The following ZNF485 variants were observed in gnomAD, a reference collection of about 807,000 sequenced individuals.
The protein encoded by ZNF485 is Zinc finger protein 93 (Zinc finger protein HTF34).
Under a neutral mutation model 10.8 loss-of-function variants are expected in ZNF485, and 9 were observed. That is an observed-to-expected ratio of 0.83 (90% confidence interval 0.50 to 1.45). ZNF485 has a LOEUF of 1.45. ZNF485 is among the 40% of genes most tolerant of loss of function. The pLI is 0.00. For synonymous variants in ZNF485, 187 were observed against 181.0 expected, an observed-to-expected ratio of 1.03 and a Z score of -0.27; for missense variants, 487 against 528.0, an observed-to-expected ratio of 0.92 and a Z score of 0.76.
intron 4 of ZNF485, among the ~76,000 whole-genome samples, chr10:43,614,059 C>G (rs1320606918): frequency 2.0e-5 from 3 of 151,942 alleles, no homozygotes; most frequent in African/African-American, 7.3e-5. Context: ...ACTAAAAATA[C>G]AAAAAATTAG....
chr10:43,609,290 T>C lies in ZNF485; in HGVS notation c.187T>C (p.Leu63=), dbSNP rs975153282. 3.1e-6 allele frequency: 5 copies of C among 1,614,072 alleles called. No homozygotes were observed. The highest frequency in any genetic ancestry group is 2.2e-5 in the East Asian group (1 of 44,890). ...TTCCAAACCAAAACTAATTACTCAGTTGGAGCAAGGGGCAGAGCCCTGGAC... is the reference window on the plus strand; with the variant it reads ...TTCCAAACCAAAACTAATTACTCAGCTGGAGCAAGGGGCAGAGCCCTGGAC... ...LSSKPKLITQ[L]EQGAEPWTEV... is the part of the protein sequence containing the mutation. The change falls in exon 4 of 5, where the codon TTG becomes CTG. Residue 63 remains leucine, a synonymous_variant. Transcript: ENST00000361807.
At chr10:43,610,697 AAG>A in intron 4 of ZNF485, among the ~76,000 whole-genome samples, 1 of 152,342 alleles carries the variant, frequency 6.6e-6, no homozygotes, top group South Asian at 2.1e-4. Context: ...TCTTTCTACA[AAG>A]ACTTCACAAC....
chr10:43,616,970 G>A lies in ZNF485; in HGVS notation c.927G>A (p.Lys309=), dbSNP rs1838873848. ...ATGAATGTGGAAAAGCCTTTAGGAA[G>A]AGCTCAACTCTTATTAGTCACCAAA... is the stretch of plus-strand genomic sequence containing the variant. ...QCNECGKAFR[K]SSTLISHQRM... is the part of the protein sequence containing the mutation. The change falls in exon 5 of 5, where the codon AAG becomes AAA. Residue 309 remains lysine (K), a synonymous_variant. Transcript: ENST00000361807. 6.2e-7 allele frequency: 1 copy of A among 1,614,146 alleles called. No homozygotes were observed. The highest frequency in any genetic ancestry group is 8.5e-7 in the Non-Finnish European group (1 of 1,180,044).
intron 4 of ZNF485, among the ~76,000 whole-genome samples, chr10:43,615,289 T>C (rs1838832661): frequency 6.6e-6 from 1 of 152,024 alleles, no homozygotes; most frequent in South Asian, 2.1e-4. Flanking sequence ...TTGGCTCTAT[T>C]AGTTTTTCAG....
At chr10:43,612,688 T>G (rs966078003) in intron 4 of ZNF485, among the ~76,000 whole-genome samples, 1 of 152,202 alleles carries the variant, frequency 6.6e-6, no homozygotes, top group Non-Finnish European at 1.5e-5. Flanking sequence ...CTCCACATCT[T>G]TGGTTACTTT....
chr10:43,608,588 G>T, intron 2 of ZNF485, 26 bp from the exon 3 acceptor site: 1 of 1,598,534 alleles, frequency 6.3e-7, no homozygotes, highest in South Asian at 1.1e-5. Context: ...GTTCCCGGAT[G>T]AGCAGAATTG....
intron 4 of ZNF485, among the ~76,000 whole-genome samples, chr10:43,614,299 G>C (rs1432788888): frequency 6.6e-6 from 1 of 151,896 alleles, no homozygotes; most frequent in African/African-American, 2.4e-5. Flanking sequence ...GCCTGTTATT[G>C]ATTACATGTA....
chr10:43,609,208 A>G (rs1290541194), intron 3 of ZNF485, 47 bp from the exon 4 acceptor site: 3 of 1,460,570 alleles, frequency 2.1e-6, no homozygotes, highest in Non-Finnish European at 2.9e-6. Flanking sequence ...ATTCCTTTTC[A>G]TTCATTTTTT....
intron 2 of ZNF485, among the ~76,000 whole-genome samples, chr10:43,608,394 T>G (rs1429287202): frequency 6.6e-6 from 1 of 151,698 alleles, no homozygotes; most frequent in Non-Finnish European, 1.5e-5. Context: ...AAGGGTGGAG[T>G]GAGCAGAGGC....
intron 4 of ZNF485, among the ~76,000 whole-genome samples, chr10:43,614,311 T>C (rs10899838): frequency 0.47 from 71,361 of 152,020 alleles, 17,164 homozygotes; most frequent in East Asian, 0.76. Flanking sequence ...TTACATGTAT[T>C]GTACCATCCC....
chr10:43,610,688 C>A (rs1435516736), intron 4 of ZNF485, among the ~76,000 whole-genome samples: 3 of 152,176 alleles, frequency 2.0e-5, no homozygotes, highest in Non-Finnish European at 2.9e-5. Context: ...ACTAGTAAAT[C>A]TTTCTACAAA....
At chr10:43,606,946 G>A (rs764623959) in intron 1 of ZNF485, 51 bp from the exon 2 acceptor site, 72 of 1,463,386 alleles carry the variant, frequency 4.9e-5, no homozygotes, top group Admixed American at 2.8e-4. Flanking sequence ...GCAGATTCTA[G>A]CTAGGCTAGG....
At chr10:43,608,892 C>A in intron 3 of ZNF485, 152 bp downstream of exon 3, 1 of 1,040,794 alleles carries the variant, frequency 9.6e-7, no homozygotes, top group Non-Finnish European at 1.4e-6. Context: ...GGAGTTTATG[C>A]CCCTTACACC....
At chr10:43,608,572 T>C in intron 2 of ZNF485, 42 bp from the exon 3 acceptor site, 1 of 1,576,656 alleles carries the variant, frequency 6.3e-7, no homozygotes, top group Non-Finnish European at 8.6e-7. Flanking sequence ...GATGCCTCCC[T>C]CAGGGGTTCC....
intron 3 of ZNF485, 131 bp from the exon 4 acceptor site, chr10:43,609,124 G>A: frequency 1.4e-6 from 1 of 729,372 alleles, no homozygotes; most frequent in Non-Finnish European, 2.3e-6. Context: ...TCTCTGACCT[G>A]TCCATGCTCA....
intron 3 of ZNF485, 32 bp from the exon 4 acceptor site, chr10:43,609,223 C>A: frequency 6.7e-7 from 1 of 1,500,784 alleles, no homozygotes; most frequent in Non-Finnish European, 9.1e-7. Flanking sequence ...TTTTTTTTTT[C>A]TTCCTCTAAG....
rs548409159 is a variant in ZNF485, at chr10:43,617,364, A to T, written c.1321A>T (p.Ser441Cys). ...IHNKERAMKC[S>C] The stretch of plus-strand genomic sequence containing the variant: ...TAATAAAGAAAGAGCCATGAAATGT[A>T]GTTAGTGTGGCAAATTGTGCAGAGT... The change falls in exon 5 of 5, where the codon AGT (serine) becomes TGT (cysteine). Residue 441 changes from serine to cysteine, a missense_variant. Physicochemically the swap from Ser to Cys is moderately radical, Grantham distance 112. Coordinates refer to ENST00000361807, the MANE Select transcript of ZNF485 (RefSeq NM_145312.4). 6.5e-7 allele frequency: 1 copy of T among 1,543,834 alleles called. No homozygotes were observed. The highest frequency in any genetic ancestry group is 2.3e-5 in the East Asian group (1 of 44,408).
intron 4 of ZNF485, among the ~76,000 whole-genome samples, chr10:43,614,300 A>T (rs1039689140): frequency 2.6e-5 from 4 of 151,814 alleles, no homozygotes; most frequent in African/African-American, 9.7e-5. Context: ...CCTGTTATTG[A>T]TTACATGTAT....
intron 4 of ZNF485, among the ~76,000 whole-genome samples, chr10:43,613,300 A>G (rs1047489608): frequency 3.3e-5 from 5 of 152,190 alleles, no homozygotes; most frequent in African/African-American, 1.2e-4. Flanking sequence ...ACTATAGTTT[A>G]TTTTTGCCTG....
Sources: allele counts gnomAD v4.1 joint callset (sites outside exome capture counted in the v4.1 genomes callset), GRCh38; gene constraint gnomAD v4.1.1; transcripts MANE v1.5; gene names NCBI Gene and HGNC (gene_info 2026-07-23, HGNC 2026-07-21).